SLC25A16: variants seen among roughly 807,000 people sequenced by gnomAD.
SLC25A16 encodes solute carrier family 25 member 16, also known as mitochondrial coenzyme A transporter SLC25A16.
SLC25A16 carries 39 observed loss-of-function variants against 41.5 expected under a neutral mutation model. That is an observed-to-expected ratio of 0.94 (90% confidence interval 0.73 to 1.23). The LOEUF (loss-of-function observed/expected upper bound fraction) is 1.23, where lower values mean the gene tolerates loss of function less well. Ranked by LOEUF, SLC25A16 falls within the 50% of genes most tolerant of loss-of-function variation. The probability of loss-of-function intolerance (pLI) is 0.00; values close to 1 mark genes in which losing one functional copy is unlikely to be tolerated. For synonymous variants in SLC25A16, 146 were observed against 147.8 expected (o/e 0.99, Z 0.09); for missense variants, 421 against 426.9 (o/e 0.99, Z 0.12).
chr10:68,527,120 G>A, intron 1 of SLC25A16, 126 bp downstream of exon 1: 2 of 993,300 alleles, frequency 2.0e-6, no homozygotes, highest in Non-Finnish European at 2.9e-6. Flanking sequence ...GGTCAGGGCA[G>A]ACATCTAACA....
In SLC25A16 at chr10:68,493,241, C is replaced by T. The variant is rs774655595; in HGVS notation, c.544-43G>A. 3.7e-6 allele frequency: 5 copies of T among 1,362,918 alleles called. No homozygotes were observed. In the South Asian group the frequency reaches 6.3e-5, roughly 17 times the overall value. 84.4% of individuals were successfully genotyped at this position (1,362,918 alleles called of 1,614,324 possible). On this transcript the variant is annotated intron_variant, in intron 5 of 8. Transcript: ENST00000609923. ...ATTGCAAGTGAGATTACATTGTGCT[C>T]ATTATCATAAACATCAAAGAAAAAA...
chr10:68,520,104 C>T (rs1385960227), intron 1 of SLC25A16, among the ~76,000 whole-genome samples: 3 of 151,112 alleles, frequency 2.0e-5, no homozygotes, highest in Non-Finnish European at 4.4e-5. Context: ...GAACCCACCA[C>T]CTCGCCCAGC....
intron 4 of SLC25A16, among the ~76,000 whole-genome samples, chr10:68,497,433 A>C (rs557185405): frequency 6.6e-6 from 1 of 152,272 alleles, no homozygotes; most frequent in African/African-American, 2.4e-5. Context: ...GAACAACCAA[A>C]ATACACCTGT....
chr10:68,513,308 C>T (rs2053100452), intron 2 of SLC25A16, among the ~76,000 whole-genome samples: 1 of 149,626 alleles, frequency 6.7e-6, no homozygotes, highest in African/African-American at 2.5e-5. Context: ...ACATAGGAGG[C>T]TGACACAGGA....
intron 5 of SLC25A16, 118 bp from the exon 6 acceptor site, chr10:68,493,316 A>C (rs1287318777): frequency 7.2e-6 from 8 of 1,110,588 alleles, no homozygotes; most frequent in Non-Finnish European, 9.3e-6. Flanking sequence ...TGAAACACAA[A>C]GATGTGTTTT....
At chr10:68,498,050 A>C (rs1218094528) in intron 4 of SLC25A16, among the ~76,000 whole-genome samples, 1 of 152,140 alleles carries the variant, frequency 6.6e-6, no homozygotes, top group Non-Finnish European at 1.5e-5. Flanking sequence ...CAGGATTCTC[A>C]CACAGAAATC....
chr10:68,494,535 G>C lies in SLC25A16; in HGVS notation c.422-965C>G, dbSNP rs1001831604. 4.8e-5 allele frequency among the ~76,000 whole-genome samples: 7 copies of C among 145,870 alleles called. 1 individual carries two copies. In the Admixed American group the frequency reaches 4.8e-4, roughly 10 times the overall value. ...GAGACGGGAGGGGAGGAGAGAGAGAGACAGAGAGAGAGAGAAAGGAAGGAA... is the reference window on the plus strand; with the variant it reads ...GAGACGGGAGGGGAGGAGAGAGAGACACAGAGAGAGAGAGAAAGGAAGGAA... On this transcript the variant is annotated intron_variant, in intron 4 of 8. Transcript: ENST00000609923.
intron 4 of SLC25A16, among the ~76,000 whole-genome samples, chr10:68,502,914 AGGAGGGGAAAGGAGGGGGAGG>A (rs1564918767): frequency 8.1e-4 from 5 of 6,204 alleles, no homozygotes; most frequent in Admixed American, 3.1e-3. Context: ...GGAGGGGGAG[AGGAGGGGAAAGGAGGGGGAGG>A]GGAGGGGAAA....
rs2052663912 is a variant in SLC25A16 at position 68,491,831 on chromosome 10, T to TTGAC, written c.610+1297_610+1300dup. 7.9e-5 allele frequency among the ~76,000 whole-genome samples: 12 copies of TTGAC among 152,216 alleles called. No individual in the cohort carries two copies. The South Asian group carries it at 2.5e-3, about 32-fold the overall frequency. ...CTTGCTTGCTTGATTGATTGATTGA[T>TTGAC]TGACTGATTGATTTAGAAATGGAGT... On this transcript the variant is annotated intron_variant, in intron 6 of 8. Transcript: ENST00000609923.
At chr10:68,502,121 GGAGGCA>G (rs67557101) in intron 4 of SLC25A16, among the ~76,000 whole-genome samples, 110,734 of 151,382 alleles carry the variant, frequency 0.73, 41,581 homozygotes, top group East Asian at 0.84. Flanking sequence ...CTTGAACCTG[GGAGGCA>G]GAGGTTGCAG....
chr10:68,525,237 C>T (rs940090117), intron 1 of SLC25A16, among the ~76,000 whole-genome samples: 1 of 151,866 alleles, frequency 6.6e-6, no homozygotes, highest in Non-Finnish European at 1.5e-5. Context: ...GTGATTTAGG[C>T]GACTCTCCTG....
intron 1 of SLC25A16, among the ~76,000 whole-genome samples, chr10:68,526,579 C>G (rs2053341402): frequency 6.6e-6 from 1 of 152,134 alleles, no homozygotes; most frequent in Non-Finnish European, 1.5e-5. Flanking sequence ...TTTCCTAAGT[C>G]TCTCGTTCCA....
chr10:68,515,576 G>A (rs1036278398), intron 2 of SLC25A16, among the ~76,000 whole-genome samples: 77 of 151,892 alleles, frequency 5.1e-4, no homozygotes, highest in African/African-American at 1.6e-3. Flanking sequence ...AGGCGGGCGG[G>A]TCACCTGAGT....
chr10:68,519,167 G>A (rs2053210294), intron 1 of SLC25A16, among the ~76,000 whole-genome samples: 1 of 151,390 alleles, frequency 6.6e-6, no homozygotes, highest in Non-Finnish European at 1.5e-5. Context: ...ACTCTAGCCT[G>A]GGCAACAAGA....
At chr10:68,514,657 A>G (rs1440240789) in intron 2 of SLC25A16, among the ~76,000 whole-genome samples, 1 of 152,206 alleles carries the variant, frequency 6.6e-6, no homozygotes, top group Non-Finnish European at 1.5e-5. Flanking sequence ...TCCAAAGACT[A>G]AACAATTCTT....
At position 68,525,974 on chromosome 10, in the gene SLC25A16, G is replaced by C. The variant is rs574749870; in HGVS notation, c.130+1272C>G. Among the ~76,000 whole-genome samples, 5 of 151,956 alleles carry C rather than the reference G, an allele frequency of 3.3e-5. No individual in the cohort carries two copies. The East Asian group carries it at 7.8e-4, about 24-fold the overall frequency. ...GACACAAAAACTGCGGAAGGCCGCA[G>C]GGACCTCTGCCTAGGAAAGCCAGGT... On this transcript the variant is annotated intron_variant, in intron 1 of 8. Transcript: ENST00000609923.
intron 2 of SLC25A16, among the ~76,000 whole-genome samples, chr10:68,515,144 G>A (rs1014665417): frequency 1.3e-5 from 2 of 148,750 alleles, no homozygotes; most frequent in African/African-American, 4.9e-5. Context: ...ATCACCTGAG[G>A]TCGGGAGTTC....
chr10:68,503,599 T>C, intron 4 of SLC25A16, 33 bp downstream of exon 4: 1 of 1,348,166 alleles, frequency 7.4e-7, no homozygotes. Context: ...AAAATTAATT[T>C]GTCAGAAATA....
chr10:68,523,292 T>C (rs10998246), intron 1 of SLC25A16, among the ~76,000 whole-genome samples: 8,750 of 152,088 alleles, frequency 0.058, 378 homozygotes, highest in Admixed American at 0.09. Context: ...TGGGTGTCAC[T>C]ATGTTGCCCA....
Sources: gnomAD v4.1 joint callset for allele counts (sites outside exome capture counted in the v4.1 genomes callset) on GRCh38, gnomAD v4.1.1 for gene constraint, MANE v1.5 for transcripts, NCBI Gene and HGNC (gene_info 2026-07-23, HGNC 2026-07-21) for gene names.